The following GDF11 variants were observed in gnomAD, a reference collection of about 807,000 sequenced individuals.
GDF11 encodes the protein growth differentiation factor 11.
In GDF11, 12 loss-of-function variants were observed where a neutral mutation model predicts 34.4. The observed-to-expected ratio is 0.35, with a 90% CI of 0.22 to 0.57. The LOEUF (loss-of-function observed/expected upper bound fraction) is 0.57, where lower values mean the gene tolerates loss of function less well. Among genes scored for constraint, GDF11 ranks in the 20% least tolerant of loss-of-function variants. The pLI, the probability that GDF11 is intolerant of heterozygous loss-of-function variation, is 0.86. For missense variants in GDF11, 346 were observed against 548.2 expected, an observed-to-expected ratio of 0.63 and a Z score of 3.68; for synonymous variants, 212 against 231.1, an observed-to-expected ratio of 0.92 and a Z score of 0.75.
Position 55,745,406 on chromosome 12 carries a change from T to C in GDF11, c.445+1645T>C, listed in dbSNP as rs1466999976. 2.0e-5 allele frequency among the ~76,000 whole-genome samples: 3 copies of C among 151,718 alleles called. No individual in the cohort carries two copies. The South Asian group carries it at 6.3e-4, about 32-fold the overall frequency. ...AGTGAAGGGACCCTGCCTTCATGAG[T>C]TGGGCTGTGCAGGTGAGGCCTGGGT... On this transcript the variant is annotated intron_variant, in intron 1 of 2. Transcript: ENST00000257868.
Position 55,748,998 on chromosome 12 carries a change from T to C in GDF11, c.843+15T>C, listed in dbSNP as rs745671102. 1 of 1,585,660 alleles carries C rather than the reference T, an allele frequency of 6.3e-7. No individual in the cohort carries two copies. ...CCGAGGGGCTGGTGAGCAGGGGGCCTGAGGTGGTGGATATGTGTAACCTGG... is the reference window on the plus strand; with the variant it reads ...CCGAGGGGCTGGTGAGCAGGGGGCCCGAGGTGGTGGATATGTGTAACCTGG... On this transcript the variant is annotated intron_variant, in intron 2 of 2. Transcript: ENST00000257868. This position sits in a 1 kb window ranked among gnomAD's most constrained non-coding sequence, Gnocchi z 5.6.
rs193097992 is a variant in GDF11, at chr12:55,755,179, T to C, written c.*5297T>C. ...GCAAAAAAGTTATCCTCCCTTAAGT[T>C]CCTCCCTCACTCCTCATATCAGACA... On this transcript the variant is annotated 3_prime_UTR_variant, in exon 3 of 3. Transcript: ENST00000257868. The C allele has an allele frequency of 6.6e-6, 1 of 152,054 alleles. No individual in the cohort carries two copies. The highest frequency in any genetic ancestry group is 6.5e-5 in the Admixed American group (1 of 15,278). The allele number at this position is 152,054 out of a possible 1,614,324, so 9.4% of individuals were successfully genotyped here.
chr12:55,744,464 GCCCAC>G (rs1398826317), intron 1 of GDF11, among the ~76,000 whole-genome samples: 1 of 152,020 alleles, frequency 6.6e-6, no homozygotes, highest in African/African-American at 2.4e-5. Context: ...TCCCTTATTC[GCCCAC>G]CCCTACCGCA....
Position 55,754,498 on chromosome 12 carries a change from T to A in GDF11, c.*4616T>A, listed in dbSNP as rs143951374. ...CAACAATGTCCAGCTTTCCTGCCAG[T>A]GAGCTGGGCTTGAGGGAGTGAATGG... On this transcript the variant is annotated 3_prime_UTR_variant, in exon 3 of 3. Coordinates refer to ENST00000257868, the MANE Select transcript of GDF11 (RefSeq NM_005811.5). 1.8e-4 allele frequency: 28 copies of A among 152,310 alleles called. No individual in the cohort carries two copies. In the East Asian group the frequency reaches 5.2e-3, roughly 28 times the overall value. The allele number at this position is 152,310 out of a possible 1,614,324, so 9.4% of individuals were successfully genotyped here.
chr12:55,749,579 C>T lies in GDF11; in HGVS notation c.921C>T (p.His307=). Residue 307 remains histidine, a synonymous_variant, in exon 3 of 3, where the codon CAC becomes CAT. Coordinates refer to ENST00000257868, the MANE Select transcript of GDF11 (RefSeq NM_005811.5). This position sits in a 1 kb window ranked among gnomAD's most constrained non-coding sequence, Gnocchi z 5.6. ...RRNLGLDCDE[H]SSESRCCRYP... is the part of the protein sequence containing the mutation. ...ACCTGGGTCTGGACTGCGACGAGCACTCAAGCGAGTCCCGCTGCTGCCGAT... is the reference window on the plus strand; with the variant it reads ...ACCTGGGTCTGGACTGCGACGAGCATTCAAGCGAGTCCCGCTGCTGCCGAT... 6.2e-7 allele frequency: 1 copy of T among 1,614,148 alleles called. No individual in the cohort carries two copies. Among genetic ancestry groups the T allele is most frequent in the Non-Finnish European group, 8.5e-7 (1 of 1,180,026 alleles).
In GDF11 at chr12:55,757,254, C is replaced by G. The variant is rs1425927381; in HGVS notation, c.*7372C>G. On this transcript the variant is annotated 3_prime_UTR_variant, in exon 3 of 3. Transcript: ENST00000257868. ...TAGCTCCAATAAATCAAAGGAGCAC[C>G]TAATAAAACACATTGTTCTCTTTTC... 34 of 328,944 alleles carry G rather than the reference C, an allele frequency of 1.0e-4. No homozygotes were observed. The highest frequency in any genetic ancestry group is 1.8e-4 in the Non-Finnish European group (33 of 178,550). The allele number at this position is 328,944 out of a possible 1,614,324, so 20.4% of individuals were successfully genotyped here.
chr12:55,745,642 C>G (rs1878166047), intron 1 of GDF11, among the ~76,000 whole-genome samples: 1 of 151,784 alleles, frequency 6.6e-6, no homozygotes, highest in Non-Finnish European at 1.5e-5. Flanking sequence ...TAGTCTAATC[C>G]CCAGGGACCC....
In GDF11 at chr12:55,755,926, A is replaced by G. The variant is rs865802427; in HGVS notation, c.*6044A>G. Reference sequence around the variant, plus strand: ...GCTGAATATCTTTCTGGAAGGTTATAGAGGATAAAGAGACGAAGAAAACTT... The same window carrying G: ...GCTGAATATCTTTCTGGAAGGTTATGGAGGATAAAGAGACGAAGAAAACTT... On this transcript the variant is annotated 3_prime_UTR_variant, in exon 3 of 3. Transcript: ENST00000257868. 11 of 15,502 alleles carry G rather than the reference A, an allele frequency of 7.1e-4. No individual in the cohort carries two copies. Among genetic ancestry groups the G allele is most frequent in the African/African-American group, 3.5e-3 (11 of 3,172 alleles). 1.0% of individuals were successfully genotyped at this position (15,502 alleles called of 1,614,324 possible).
chr12:55,756,157 G>A lies in GDF11; in HGVS notation c.*6275G>A, dbSNP rs534002125. 3.9e-5 allele frequency: 6 copies of A among 152,316 alleles called. No homozygotes were observed. The highest frequency in any genetic ancestry group is 1.2e-4 in the African/African-American group (5 of 41,570). The allele number at this position is 152,316 out of a possible 1,614,324, so 9.4% of individuals were successfully genotyped here. On this transcript the variant is annotated 3_prime_UTR_variant, in exon 3 of 3. Transcript: ENST00000257868. The stretch of plus-strand genomic sequence containing the variant: ...AGATCAGAGCCTGAGGTAAAGAAAA[G>A]GAAGGCAGACAGAAAAGAGGGAAAA...
rs1472656987 is a variant in GDF11 at position 55,757,089 on chromosome 12, T to A, written c.*7207T>A. On this transcript the variant is annotated 3_prime_UTR_variant, in exon 3 of 3. Coordinates refer to ENST00000257868, the MANE Select transcript of GDF11 (RefSeq NM_005811.5). ...CTCTTCACAGAGGATAAAAAATGCT[T>A]GTGAGTATGACAGAAGGGAATAAAC... is the stretch of plus-strand genomic sequence containing the variant. 6.5e-6 allele frequency: 1 copy of A among 153,194 alleles called. No homozygotes were observed. Among genetic ancestry groups the A allele is most frequent in the African/African-American group, 2.4e-5 (1 of 41,464 alleles). 9.5% of individuals were successfully genotyped at this position (153,194 alleles called of 1,614,324 possible). A position where few individuals can be genotyped will look rare whatever the true frequency, so the allele number is the denominator to read the frequency against.
Position 55,750,074 on chromosome 12 carries a change from GCAGGGGCATAGT to G in GDF11, c.*198_*209del. The G allele has an allele frequency of 1.7e-6, 1 of 590,804 alleles. No homozygotes were observed. Among genetic ancestry groups the G allele is most frequent in the South Asian group, 2.2e-5 (1 of 45,224 alleles). 36.6% of individuals were successfully genotyped at this position (590,804 alleles called of 1,614,324 possible). A position where few individuals can be genotyped will look rare whatever the true frequency, so the allele number is the denominator to read the frequency against. On this transcript the variant is annotated 3_prime_UTR_variant, in exon 3 of 3. Coordinates refer to ENST00000257868, the MANE Select transcript of GDF11 (RefSeq NM_005811.5). ...GTGAGGGGTTTGGGGGAAAGGGGAA[GCAGGGGCATAGT>G]CAGGGTGGGGAGTGTTTGAAGTTTG...
At chr12:55,747,651 T>A (rs1038794773) in intron 1 of GDF11, among the ~76,000 whole-genome samples, 5 of 152,140 alleles carry the variant, frequency 3.3e-5, no homozygotes, top group Non-Finnish European at 2.9e-5. Context: ...TTATTGAGAA[T>A]CATCTATTAG....
chr12:55,747,816 T>C (rs1434038155), intron 1 of GDF11, among the ~76,000 whole-genome samples: 2 of 152,178 alleles, frequency 1.3e-5, no homozygotes, highest in African/African-American at 2.4e-5. Flanking sequence ...ATCTGGTGTA[T>C]TTAATATTAT....
Position 55,749,929 on chromosome 12 carries a change from C to CCTA in GDF11, c.*48_*50dup. 1 of 1,514,394 alleles carries CCTA rather than the reference C, an allele frequency of 6.6e-7. No homozygotes were observed. Among genetic ancestry groups the CCTA allele is most frequent in the Non-Finnish European group, 9.0e-7 (1 of 1,110,024 alleles). The allele number at this position is 1,514,394 out of a possible 1,614,324, so 93.8% of individuals were successfully genotyped here. Reference sequence around the variant, plus strand: ...CCCCCACAGACCCTACCCCAAGACCCCTAGCCCTGCCCCCATCCCCCCAAG... The same window carrying CCTA: ...CCCCCACAGACCCTACCCCAAGACCCCTACTAGCCCTGCCCCCATCCCCCCAAG... On this transcript the variant is annotated 3_prime_UTR_variant, in exon 3 of 3. Transcript: ENST00000257868. This position sits in a 1 kb window ranked among gnomAD's most constrained non-coding sequence, Gnocchi z 5.6.
Position 55,753,561 on chromosome 12 carries a change from G to A in GDF11, c.*3679G>A, listed in dbSNP as rs889659533. The A allele has an allele frequency of 2.0e-5, 3 of 151,960 alleles. No homozygotes were observed. Among genetic ancestry groups the A allele is most frequent in the South Asian group, 4.1e-4 (2 of 4,820 alleles). The allele number at this position is 151,960 out of a possible 1,614,324, so 9.4% of individuals were successfully genotyped here. ...GAGGCGGGCGGATCATGCAAGGTCCGGAGTTCGAGACCATGCTGGCCAACA... is the reference window on the plus strand; with the variant it reads ...GAGGCGGGCGGATCATGCAAGGTCCAGAGTTCGAGACCATGCTGGCCAACA... On this transcript the variant is annotated 3_prime_UTR_variant, in exon 3 of 3. Transcript: ENST00000257868.
rs1054118991 is a variant in GDF11, at chr12:55,751,902, G to C, written c.*2020G>C. 10 of 152,272 alleles carry C rather than the reference G, an allele frequency of 6.6e-5. No individual in the cohort carries two copies. Among genetic ancestry groups the C allele is most frequent in the Non-Finnish European group, 1.5e-4 (10 of 68,086 alleles). 9.4% of individuals were successfully genotyped at this position (152,272 alleles called of 1,614,324 possible). A position where few individuals can be genotyped will look rare whatever the true frequency, so the allele number is the denominator to read the frequency against. ...AGAGCATGACTCTCCCCCTTGGCCAGTTGGTGGAAGGGGCAAAGGTATGTG... is the reference window on the plus strand; with the variant it reads ...AGAGCATGACTCTCCCCCTTGGCCACTTGGTGGAAGGGGCAAAGGTATGTG... On this transcript the variant is annotated 3_prime_UTR_variant, in exon 3 of 3. Coordinates refer to ENST00000257868, the MANE Select transcript of GDF11 (RefSeq NM_005811.5).
Position 55,749,355 on chromosome 12 carries a change from A to G in GDF11, c.844-147A>G, listed in dbSNP as rs1187386490. On this transcript the variant is annotated intron_variant, in intron 2 of 2. Coordinates refer to ENST00000257868, the MANE Select transcript of GDF11 (RefSeq NM_005811.5). This position sits in a 1 kb window ranked among gnomAD's most constrained non-coding sequence, Gnocchi z 5.6. ...TAGCTAGCTGGCAAGAAAAGTGGGC[A>G]AAAGATAAATTCTGGGGGTGGGAGC... The G allele has an allele frequency of 2.3e-6, 2 of 881,076 alleles. No homozygotes were observed. The highest frequency in any genetic ancestry group is 3.4e-6 in the Non-Finnish European group (2 of 583,830). 54.6% of individuals were successfully genotyped at this position (881,076 alleles called of 1,614,324 possible).
intron 1 of GDF11, among the ~76,000 whole-genome samples, chr12:55,745,772 C>A (rs1878170503): frequency 6.6e-6 from 1 of 151,070 alleles, no homozygotes; most frequent in Non-Finnish European, 1.5e-5. Flanking sequence ...CCAGCCCCCA[C>A]CTCTCCTAGG....
chr12:55,746,707 T>G (rs1224767116), intron 1 of GDF11, among the ~76,000 whole-genome samples: 1 of 152,204 alleles, frequency 6.6e-6, no homozygotes, highest in African/African-American at 2.4e-5. Context: ...TCAATAAATG[T>G]TGGTTTGTTT....
Sources: allele counts gnomAD v4.1 joint callset (sites outside exome capture counted in the v4.1 genomes callset), GRCh38; gene constraint gnomAD v4.1.1; non-coding constraint Gnocchi (gnomAD v3.1); transcripts MANE v1.5; gene names NCBI Gene and HGNC (gene_info 2026-07-23, HGNC 2026-07-21).